Variants in CHN2 observed in about 807,000 individuals in gnomAD.
CHN2 encodes chimerin 2.
A neutral mutation model predicts 56.3 loss-of-function variants in CHN2; 35 were observed. The ratio of observed to expected loss-of-function variants is 0.62; its 90% confidence interval spans 0.47 to 0.82. The LOEUF is 0.82. Among genes scored for constraint, CHN2 ranks in the 40% least tolerant of loss-of-function variants. The pLI is 0.00. For synonymous variants in CHN2, 210 were observed against 212.8 expected, an observed-to-expected ratio of 0.99 and a Z score of 0.12; for missense variants, 491 against 580.5, an observed-to-expected ratio of 0.85 and a Z score of 1.58.
At chr7:29,322,615 AT>A (rs778747918) in intron 1 of CHN2, among the ~76,000 whole-genome samples, 16 of 152,320 alleles carry the variant, frequency 1.1e-4, no homozygotes, top group Non-Finnish European at 1.8e-4. Flanking sequence ...CACTGACTTT[AT>A]TAGGATTTCA....
chr7:29,488,624 C>A (rs1402146388), intron 7 of CHN2, among the ~76,000 whole-genome samples: 4 of 152,118 alleles, frequency 2.6e-5, no homozygotes, highest in African/African-American at 9.7e-5. Context: ...AATAAAATGA[C>A]AAATTGAGGC....
At chr7:29,283,166 C>T (rs189691329) in intron 1 of CHN2, among the ~76,000 whole-genome samples, 2 of 152,314 alleles carry the variant, frequency 1.3e-5, no homozygotes, top group African/African-American at 4.8e-5. Flanking sequence ...TCCTGCATAA[C>T]AGTACCTTAG....
intron 6 of CHN2, among the ~76,000 whole-genome samples, chr7:29,435,900 T>A (rs1783186051): frequency 6.6e-6 from 1 of 151,368 alleles, no homozygotes; most frequent in Middle Eastern, 3.2e-3. Context: ...CCTCCTTTTT[T>A]TTTTTTTTTC....
intron 6 of CHN2, among the ~76,000 whole-genome samples, chr7:29,405,399 T>C (rs571241447): frequency 1.3e-5 from 2 of 152,306 alleles, no homozygotes; most frequent in South Asian, 4.1e-4. Context: ...TTAACTACAG[T>C]GCAGTGTGTC....
chr7:29,201,143 A>T (rs771412116), intron 1 of CHN2, among the ~76,000 whole-genome samples: 29 of 152,344 alleles, frequency 1.9e-4, no homozygotes, highest in Middle Eastern at 3.4e-3. Context: ...TAAATCAACC[A>T]GTAGTTTTAA....
chr7:29,313,790 G>C (rs1794760851), intron 1 of CHN2, among the ~76,000 whole-genome samples: 1 of 152,170 alleles, frequency 6.6e-6, no homozygotes, highest in Non-Finnish European at 1.5e-5. Context: ...CTACAGCAGA[G>C]ATGGGGGTCT....
rs75373743 is a variant in CHN2, at chr7:29,499,877, G to A, written c.750G>A (p.Leu250=). 1 of 1,594,626 alleles carries A rather than the reference G, an allele frequency of 6.3e-7. No homozygotes were observed. Among genetic ancestry groups the A allele is most frequent in the Non-Finnish European group, 8.5e-7 (1 of 1,172,900 alleles). Reference sequence around the variant, plus strand: ...CTTCTTTGTTTACAGACTGTGGATTGAACGTACACAAACAGTGTTCCAAGC... The same window carrying A: ...CTTCTTTGTTTACAGACTGTGGATTAAACGTACACAAACAGTGTTCCAAGC... The part of the protein sequence containing the change: ...AQGVRCSDCG[L]NVHKQCSKHV... Residue 250 remains leucine, a synonymous_variant, in exon 9 of 13, where the codon TTG becomes TTA. Coordinates refer to ENST00000222792, the MANE Select transcript of CHN2 (RefSeq NM_004067.4).
At chr7:29,219,936 G>C (rs184293568) in intron 1 of CHN2, among the ~76,000 whole-genome samples, 1 of 152,014 alleles carries the variant, frequency 6.6e-6, no homozygotes, top group Non-Finnish European at 1.5e-5. Flanking sequence ...TTAGCTGGGC[G>C]TGGTGGCACA....
intron 1 of CHN2, among the ~76,000 whole-genome samples, chr7:29,233,284 ATGGAG>A (rs1786864303): frequency 6.6e-6 from 1 of 152,244 alleles, no homozygotes. Context: ...TATGCCTAGA[ATGGAG>A]TGGCACACAG....
intron 3 of CHN2, among the ~76,000 whole-genome samples, chr7:29,385,382 G>A (rs898921407): frequency 6.6e-6 from 1 of 152,256 alleles, no homozygotes; most frequent in African/African-American, 2.4e-5. Flanking sequence ...CCTTTTAGGG[G>A]GATAATTGTT....
intron 6 of CHN2, among the ~76,000 whole-genome samples, chr7:29,449,450 G>T (rs1004403327): frequency 6.6e-6 from 1 of 152,110 alleles, no homozygotes; most frequent in Admixed American, 6.5e-5. Context: ...AAGTATTATT[G>T]GAATACAGCC....
chr7:29,483,791 G>A (rs1585564975), intron 7 of CHN2: 1 of 1,148,660 alleles, frequency 8.7e-7, no homozygotes, highest in Non-Finnish European at 1.1e-6. Flanking sequence ...CAGTCGGCTT[G>A]CTCGGCTTCC....
chr7:29,481,566 C>T (rs536229016), intron 7 of CHN2, among the ~76,000 whole-genome samples: 1 of 151,870 alleles, frequency 6.6e-6, no homozygotes, highest in Non-Finnish European at 1.5e-5. Context: ...TGAAGAATTG[C>T]ATTGCATAGG....
intron 6 of CHN2, among the ~76,000 whole-genome samples, chr7:29,422,609 G>C (rs909770977): frequency 6.6e-6 from 1 of 152,230 alleles, no homozygotes; most frequent in African/African-American, 2.4e-5. Flanking sequence ...TATTTACTTA[G>C]AAAAGCAAAA....
At chr7:29,370,678 G>A (rs555470424) in intron 3 of CHN2, among the ~76,000 whole-genome samples, 1 of 152,218 alleles carries the variant, frequency 6.6e-6, no homozygotes, top group South Asian at 2.1e-4. Flanking sequence ...CCAGTTCAAC[G>A]TGATAAATAC....
intron 1 of CHN2, among the ~76,000 whole-genome samples, chr7:29,233,926 C>G (rs1025370562): frequency 1.6e-4 from 23 of 145,106 alleles, no homozygotes; most frequent in African/African-American, 5.4e-4. Flanking sequence ...CTCCGCCTCC[C>G]GGGTTCACGC....
chr7:29,149,937 G>T (rs1424545418), intron 2 of CHN2, among the ~76,000 whole-genome samples: 2 of 152,164 alleles, frequency 1.3e-5, no homozygotes, highest in African/African-American at 4.8e-5. Context: ...TTACTTCTAT[G>T]AAGACTCATT....
At chr7:29,360,243 C>T (rs779233484) in intron 2 of CHN2, among the ~76,000 whole-genome samples, 4 of 152,296 alleles carry the variant, frequency 2.6e-5, no homozygotes, top group Middle Eastern at 3.4e-3. Flanking sequence ...ACATTCTGGC[C>T]GGGTGCAGTG....
At chr7:29,509,847 A>C (rs1791082189) in intron 12 of CHN2, among the ~76,000 whole-genome samples, 1 of 18,976 alleles carries the variant, frequency 5.3e-5, no homozygotes, top group African/African-American at 1.8e-4. Flanking sequence ...TCCATCTCAA[A>C]AAAAAAAAAA....
Sources: gnomAD v4.1 joint callset for allele counts (sites outside exome capture counted in the v4.1 genomes callset) on GRCh38, gnomAD v4.1.1 for gene constraint, MANE v1.5 for transcripts, NCBI Gene and HGNC (gene_info 2026-07-23, HGNC 2026-07-21) for gene names.